The following MAPK14 variants were observed in gnomAD, a reference collection of about 807,000 sequenced individuals.
MAPK14 encodes the protein CSAID-binding protein.
Under a neutral mutation model 49.6 loss-of-function variants are expected in MAPK14, and 16 were observed. The observed-to-expected ratio is 0.32, with a 90% confidence interval of 0.22 to 0.49. The LOEUF is 0.49. Among genes scored for constraint, MAPK14 ranks in the 20% least tolerant of loss-of-function variants. MAPK14 has a pLI of 0.99. For missense variants in MAPK14, 200 were observed against 441.2 expected, an observed-to-expected ratio of 0.45 and a Z score of 4.90; for synonymous variants, 142 against 158.0, an observed-to-expected ratio of 0.90 and a Z score of 0.76.
chr6:36,061,599 A>G (rs535340042), intron 3 of MAPK14, among the ~76,000 whole-genome samples: 1 of 152,364 alleles, frequency 6.6e-6, no homozygotes, highest in South Asian at 2.1e-4. Context: ...AGCAAATCTC[A>G]TTACTACTTG....
At chr6:36,041,084 A>G (rs1175382228) in intron 1 of MAPK14, among the ~76,000 whole-genome samples, 1 of 152,190 alleles carries the variant, frequency 6.6e-6, no homozygotes, top group African/African-American at 2.4e-5. Context: ...ATTTAGGCAC[A>G]TTATGTATTC....
At chr6:36,038,946 A>T (rs984265657) in intron 1 of MAPK14, among the ~76,000 whole-genome samples, 2 of 152,170 alleles carry the variant, frequency 1.3e-5, no homozygotes, top group Non-Finnish European at 2.9e-5. Context: ...ACAGTTAAAC[A>T]TTTAAGTTTT....
At chr6:36,043,463 A>G (rs1244898548) in intron 1 of MAPK14, among the ~76,000 whole-genome samples, 1 of 152,226 alleles carries the variant, frequency 6.6e-6, no homozygotes, top group Non-Finnish European at 1.5e-5. Flanking sequence ...CCAAAATGGC[A>G]GGACAGAGCA....
At chr6:36,091,930 C>G (rs1036628948) in intron 8 of MAPK14, 1 of 219,936 alleles carries the variant, frequency 4.5e-6, no homozygotes, top group African/African-American at 2.4e-5. Flanking sequence ...GAATACAAAG[C>G]CTTTGTGAAG....
intron 8 of MAPK14, 119 bp from the exon 9 acceptor site, chr6:36,095,867 GT>G (rs1765424905): frequency 3.1e-6 from 2 of 643,082 alleles, no homozygotes; most frequent in African/African-American, 3.7e-5. Context: ...TGTTGGCTAG[GT>G]TTGGGGTGTT....
chr6:36,111,852 C>T (rs568335710), downstream of MAPK14, among the ~76,000 whole-genome samples: 3 of 152,204 alleles, frequency 2.0e-5, 1 homozygote, highest in South Asian at 2.1e-4. Flanking sequence ...CCAGTGACTT[C>T]GTAAGGAGGT....
At chr6:36,117,713 T>C in the MAPK14 span, among the ~76,000 whole-genome samples, 2 of 152,070 alleles carry the variant, frequency 1.3e-5, no homozygotes, top group South Asian at 4.1e-4. Flanking sequence ...ACTAAATGAG[T>C]TAAGACATGA....
chr6:36,123,558 C>T, the MAPK14 span, among the ~76,000 whole-genome samples: 2 of 152,166 alleles, frequency 1.3e-5, no homozygotes, highest in African/African-American at 2.4e-5. Flanking sequence ...ATGGGTAGTA[C>T]CCAGAAGAGA....
At chr6:36,111,363 A>G (rs1482539306), downstream of MAPK14, 1 of 152,194 alleles carries the variant, frequency 6.6e-6, no homozygotes, top group African/African-American at 2.4e-5. Context: ...CCTTTAGAGA[A>G]GTCTGCTGAC....
intron 10 of MAPK14, among the ~76,000 whole-genome samples, chr6:36,102,959 A>C (rs943716706): frequency 6.6e-6 from 1 of 152,202 alleles, no homozygotes; most frequent in African/African-American, 2.4e-5. Context: ...GATACAGAAG[A>C]AAGCTGTAAC....
chr6:36,083,607 T>G (rs1764853916), intron 8 of MAPK14, among the ~76,000 whole-genome samples: 1 of 152,292 alleles, frequency 6.6e-6, no homozygotes, highest in South Asian at 2.1e-4. Context: ...ACTGACTCTT[T>G]AGGCTGAACT....
At chr6:36,048,799 G>A (rs1763284700) in intron 1 of MAPK14, among the ~76,000 whole-genome samples, 1 of 152,206 alleles carries the variant, frequency 6.6e-6, no homozygotes, top group Admixed American at 6.5e-5. Context: ...CTTTCTTATG[G>A]AGACATCAGG....
rs184730567 is a variant in MAPK14, at chr6:36,071,979, C to G, written c.306-894C>G. ...AAGATTATAGGTGTGAGCCACAAAGCTTGGCCTGGTTTCTTTTTTCTTGAG... is the reference window on the plus strand; with the variant it reads ...AAGATTATAGGTGTGAGCCACAAAGGTTGGCCTGGTTTCTTTTTTCTTGAG... On this transcript the variant is annotated intron_variant, in intron 3 of 11. Transcript: ENST00000229794. 1.1e-4 allele frequency among the ~76,000 whole-genome samples: 17 copies of G among 152,240 alleles called. No individual in the cohort carries two copies. In the East Asian group the frequency reaches 3.3e-3, roughly 29 times the overall value.
chr6:36,114,801 C>T (rs1766031911), downstream of MAPK14, among the ~76,000 whole-genome samples: 1 of 152,004 alleles, frequency 6.6e-6, no homozygotes, highest in Non-Finnish European at 1.5e-5. Flanking sequence ...AAGTTCTTTG[C>T]CATTATCCAC....
At chr6:36,073,287 A>T (rs536656871) in intron 4 of MAPK14, among the ~76,000 whole-genome samples, 1 of 152,276 alleles carries the variant, frequency 6.6e-6, no homozygotes, top group Non-Finnish European at 1.5e-5. Context: ...AGGACTCTTC[A>T]TTCTTACATC....
chr6:36,095,318 A>G (rs1036943248), intron 8 of MAPK14, among the ~76,000 whole-genome samples: 12 of 152,284 alleles, frequency 7.9e-5, no homozygotes, highest in African/African-American at 2.4e-4. Context: ...TTGCGTTCTC[A>G]TGGCGCTCCT....
chr6:36,078,622 A>G (rs577881911), intron 8 of MAPK14, among the ~76,000 whole-genome samples: 7 of 152,344 alleles, frequency 4.6e-5, no homozygotes, highest in African/African-American at 1.4e-4. Flanking sequence ...CTAGTGTTTA[A>G]ACTTTTTAAT....
At chr6:36,112,194 A>G (rs1765986732), downstream of MAPK14, among the ~76,000 whole-genome samples, 1 of 148,270 alleles carries the variant, frequency 6.7e-6, no homozygotes, top group Non-Finnish European at 1.5e-5. Flanking sequence ...TGACAGAGTG[A>G]GACTCCGTCT....
At chr6:36,075,457 C>CT (rs1764493482) in intron 6 of MAPK14, among the ~76,000 whole-genome samples, 1 of 151,932 alleles carries the variant, frequency 6.6e-6, no homozygotes, top group Admixed American at 6.6e-5. Flanking sequence ...TGGTTTCTTC[C>CT]TTTTTATTGG....
Sources: allele counts gnomAD v4.1 joint callset (sites outside exome capture counted in the v4.1 genomes callset), GRCh38; gene constraint gnomAD v4.1.1; transcripts MANE v1.5; gene names NCBI Gene and HGNC (gene_info 2026-07-23, HGNC 2026-07-21).